The following EXOC4 variants were observed in gnomAD, a reference collection of about 807,000 sequenced individuals.
EXOC4 encodes SEC8-like 1.
In EXOC4, 71 loss-of-function variants were observed where a neutral mutation model predicts 107.2. That is an observed-to-expected ratio of 0.66 (90% CI 0.55 to 0.81). The LOEUF (loss-of-function observed/expected upper bound fraction) is 0.81, where lower values mean the gene tolerates loss of function less well. EXOC4 is among the 30% of genes least tolerant of loss of function. EXOC4 has a pLI of 0.00. For missense variants in EXOC4, 1,108 were observed against 1,189.6 expected (o/e 0.93, Z 1.01); for synonymous variants, 456 against 441.2 (o/e 1.03, Z -0.42).
At chr7:133,338,904 C>G (rs553937507) in intron 5 of EXOC4, among the ~76,000 whole-genome samples, 1 of 151,950 alleles carries the variant, frequency 6.6e-6, no homozygotes, top group Admixed American at 6.6e-5. Flanking sequence ...AGGCATGCAC[C>G]ACCATGCCTG....
intron 10 of EXOC4, among the ~76,000 whole-genome samples, chr7:133,647,880 T>A (rs779280472): frequency 6.6e-6 from 1 of 152,170 alleles, no homozygotes; most frequent in Non-Finnish European, 1.5e-5. Context: ...GTGATTTTTC[T>A]GTTAAAAAAA....
intron 10 of EXOC4, among the ~76,000 whole-genome samples, chr7:133,721,158 C>A (rs1381508105): frequency 1.3e-5 from 2 of 152,012 alleles, no homozygotes; most frequent in African/African-American, 4.8e-5. Flanking sequence ...AAATATGGAG[C>A]TTAATTTTCA....
intron 7 of EXOC4, among the ~76,000 whole-genome samples, chr7:133,386,403 A>T (rs1796727663): frequency 6.6e-6 from 1 of 152,082 alleles, no homozygotes; most frequent in Admixed American, 6.5e-5. Flanking sequence ...TCTCTTGTAT[A>T]TCTTGCTTTT....
intron 10 of EXOC4, among the ~76,000 whole-genome samples, chr7:133,797,779 A>G (rs1796847863): frequency 6.6e-6 from 1 of 152,164 alleles, no homozygotes; most frequent in African/African-American, 2.4e-5. Flanking sequence ...ACAAGCTTAC[A>G]TTTATTCAGC....
At position 133,953,565 on chromosome 7, in the gene EXOC4, C is replaced by T. The variant is rs61225541; in HGVS notation, c.2206+15496C>T. Among the ~76,000 whole-genome samples, 497 of 152,128 alleles carry T rather than the reference C, an allele frequency of 3.3e-3. 5 individuals carry two copies. Among genetic ancestry groups the T allele is most frequent in the African/African-American group, 0.011 (476 of 41,490 alleles). On this transcript the variant is annotated intron_variant, in intron 14 of 17. Transcript: ENST00000253861. ...ACTAGGGAGGCTAAGGTGGGAGGAACGCTTGAGCCTGGGATGTCAAGGCTG... is the reference window on the plus strand; with the variant it reads ...ACTAGGGAGGCTAAGGTGGGAGGAATGCTTGAGCCTGGGATGTCAAGGCTG...
At chr7:133,820,791 C>T (rs893392477) in intron 11 of EXOC4, among the ~76,000 whole-genome samples, 1 of 152,206 alleles carries the variant, frequency 6.6e-6, no homozygotes, top group African/African-American at 2.4e-5. Flanking sequence ...CTCAGTGATG[C>T]TTCCAGTTGT....
intron 9 of EXOC4, among the ~76,000 whole-genome samples, chr7:133,579,893 G>T (rs537489815): frequency 1.8e-5 from 2 of 111,586 alleles, no homozygotes; most frequent in East Asian, 4.3e-4. Context: ...TCACCATGTT[G>T]GCCAGGATGG....
intron 9 of EXOC4, among the ~76,000 whole-genome samples, chr7:133,603,817 G>T (rs1191725049): frequency 2.0e-5 from 3 of 152,010 alleles, no homozygotes; most frequent in Non-Finnish European, 4.4e-5. Context: ...GTGCACTTAG[G>T]CTACACTTAA....
intron 10 of EXOC4, among the ~76,000 whole-genome samples, chr7:133,656,310 ATAAAT>A (rs1467242759): frequency 6.6e-6 from 1 of 152,200 alleles, no homozygotes; most frequent in African/African-American, 2.4e-5. Context: ...GCCTGTGAAA[ATAAAT>A]TAATGAGTTT....
chr7:133,537,296 A>ACCCCCCCC (rs373040586), intron 9 of EXOC4, among the ~76,000 whole-genome samples: 14 of 128,052 alleles, frequency 1.1e-4, no homozygotes, highest in African/African-American at 4.4e-4. Flanking sequence ...GATTACAGGC[A>ACCCCCCCC]CCCCCCCCCC....
chr7:133,579,508 T>G (rs2150965841), intron 9 of EXOC4, among the ~76,000 whole-genome samples: 1 of 152,282 alleles, frequency 6.6e-6, no homozygotes, highest in East Asian at 1.9e-4. Flanking sequence ...AAAAAATTTT[T>G]AAGTGTAAAG....
chr7:133,613,783 G>A (rs1021017240), intron 9 of EXOC4, among the ~76,000 whole-genome samples: 6 of 152,028 alleles, frequency 3.9e-5, no homozygotes, highest in African/African-American at 7.2e-5. Context: ...TTCTTTTCAC[G>A]AAATACCTTT....
At chr7:133,477,917 A>C (rs1799057601) in intron 8 of EXOC4, among the ~76,000 whole-genome samples, 1 of 152,188 alleles carries the variant, frequency 6.6e-6, no homozygotes, top group African/African-American at 2.4e-5. Context: ...TGGTTGTCTT[A>C]AACTAGGCAG....
chr7:134,009,400 C>G (rs1295888863), intron 17 of EXOC4, among the ~76,000 whole-genome samples: 1 of 152,104 alleles, frequency 6.6e-6, no homozygotes, highest in Non-Finnish European at 1.5e-5. Flanking sequence ...AACCTTTCTT[C>G]CTCAATCTGT....
At chr7:133,523,438 T>TC (rs1800017830) in intron 9 of EXOC4, among the ~76,000 whole-genome samples, 1 of 115,430 alleles carries the variant, frequency 8.7e-6, no homozygotes, top group Admixed American at 1.0e-4. Context: ...ACCTTTCAGT[T>TC]CTTTTTTTTT....
chr7:133,935,570 G>A (rs769344459), intron 13 of EXOC4, among the ~76,000 whole-genome samples: 17 of 152,264 alleles, frequency 1.1e-4, no homozygotes, highest in Middle Eastern at 3.4e-3. Flanking sequence ...CCCTTGATAT[G>A]TAACATACTT....
intron 14 of EXOC4, among the ~76,000 whole-genome samples, chr7:133,971,558 G>A (rs1332538985): frequency 1.3e-5 from 2 of 151,560 alleles, no homozygotes; most frequent in East Asian, 3.9e-4. Flanking sequence ...TCTATCAAGA[G>A]GTGAATTTTC....
chr7:133,259,435 C>T (rs1795092528), intron 1 of EXOC4, among the ~76,000 whole-genome samples: 1 of 151,964 alleles, frequency 6.6e-6, no homozygotes, highest in South Asian at 2.1e-4. Context: ...CCATGTTGGC[C>T]AGGCTGGTCT....
At chr7:133,574,050 G>T (rs1429161485) in intron 9 of EXOC4, among the ~76,000 whole-genome samples, 1 of 152,124 alleles carries the variant, frequency 6.6e-6, no homozygotes, top group Non-Finnish European at 1.5e-5. Flanking sequence ...TTAATATCAT[G>T]AGTTATTAAG....
Sources: gnomAD v4.1 joint callset for allele counts (sites outside exome capture counted in the v4.1 genomes callset) on GRCh38, gnomAD v4.1.1 for gene constraint, MANE v1.5 for transcripts, NCBI Gene and HGNC (gene_info 2026-07-23, HGNC 2026-07-21) for gene names.